ATE1: variants seen among roughly 807,000 people sequenced by gnomAD.
ATE1 encodes the protein arginyl-tRNA--protein transferase 1.
A neutral mutation model predicts 70.5 loss-of-function variants in ATE1; 36 were observed. That is an observed-to-expected ratio of 0.51 (90% CI 0.39 to 0.67). ATE1 has a LOEUF of 0.67. Ranked by LOEUF, ATE1 falls within the 30% of genes least tolerant of loss-of-function variation. ATE1 has a pLI of 0.00. For synonymous variants in ATE1, 232 were observed against 219.3 expected, an observed-to-expected ratio of 1.06 and a Z score of -0.51; for missense variants, 593 against 629.5, an observed-to-expected ratio of 0.94 and a Z score of 0.62.
chr10:121,817,407 C>T (rs1298664639), intron 10 of ATE1, among the ~76,000 whole-genome samples: 4 of 152,058 alleles, frequency 2.6e-5, no homozygotes, highest in Non-Finnish European at 4.4e-5. Flanking sequence ...GGCGCAGTGG[C>T]GGGCGCCTGT....
At chr10:121,806,090 G>A (rs1323998569) in intron 10 of ATE1, among the ~76,000 whole-genome samples, 1 of 152,130 alleles carries the variant, frequency 6.6e-6, no homozygotes, top group Non-Finnish European at 1.5e-5. Flanking sequence ...CAAATTACAG[G>A]AGACTAAACT....
At chr10:121,819,227 T>C (rs572022299) in intron 10 of ATE1, among the ~76,000 whole-genome samples, 54 of 152,350 alleles carry the variant, frequency 3.5e-4, no homozygotes, top group Non-Finnish European at 7.3e-4. Context: ...TCTCTTGGAA[T>C]GGAATGTACT....
chr10:121,874,618 C>T (rs997145713), intron 7 of ATE1, among the ~76,000 whole-genome samples: 12 of 152,188 alleles, frequency 7.9e-5, no homozygotes, highest in Non-Finnish European at 1.6e-4. Flanking sequence ...TATTCTCTAT[C>T]CCAATTGCAA....
chr10:121,808,571 C>T (rs182820821), intron 10 of ATE1, among the ~76,000 whole-genome samples: 2 of 152,274 alleles, frequency 1.3e-5, no homozygotes, highest in East Asian at 1.9e-4. Flanking sequence ...GTAAACTATC[C>T]GGCAATATCC....
chr10:121,817,695 T>A (rs1309870925), intron 10 of ATE1, among the ~76,000 whole-genome samples: 1 of 151,624 alleles, frequency 6.6e-6, no homozygotes, highest in Non-Finnish European at 1.5e-5. Context: ...TCAAGGAGAG[T>A]CAGGCAACCT....
At chr10:121,743,983 CGCTGTCT>C in intron 11 of ATE1, 125 bp from the exon 12 acceptor site, 1 of 1,035,642 alleles carries the variant, frequency 9.7e-7, no homozygotes, top group Non-Finnish European at 1.3e-6. Context: ...AGTGCAGTGG[CGCTGTCT>C]CACCTCACTG....
intron 3 of ATE1, among the ~76,000 whole-genome samples, chr10:121,917,454 T>C (rs1292025822): frequency 6.6e-6 from 1 of 152,114 alleles, no homozygotes; most frequent in African/African-American, 2.4e-5. Context: ...CATGGTTCAG[T>C]TGTGAAGCAT....
intron 11 of ATE1, among the ~76,000 whole-genome samples, chr10:121,767,567 A>C (rs975962446): frequency 2.0e-5 from 3 of 152,236 alleles, no homozygotes; most frequent in Non-Finnish European, 4.4e-5. Flanking sequence ...AACTAGCTGC[A>C]TTGCAATCAC....
chr10:121,917,885 T>G lies in ATE1; in HGVS notation c.234-3992A>C, dbSNP rs551024460. ...AAATCATAGCCAGAAAAGTTCATCC[T>G]CATTTATACACACATACTGGAGAGT... On this transcript the variant is annotated intron_variant, in intron 3 of 11. Coordinates refer to ENST00000224652, the MANE Select transcript of ATE1 (RefSeq NM_001001976.3). Among the ~76,000 whole-genome samples the G allele has an allele frequency of 2.6e-5, 4 of 152,316 alleles. No individual in the cohort carries two copies. In the South Asian group the frequency reaches 8.3e-4, roughly 32 times the overall value.
At chr10:121,805,900 G>A (rs527625906) in intron 10 of ATE1, among the ~76,000 whole-genome samples, 1 of 152,104 alleles carries the variant, frequency 6.6e-6, no homozygotes, top group Admixed American at 6.6e-5. Context: ...CTTTACAGTG[G>A]AGAGTCTGGT....
chr10:121,847,664 AG>A (rs1422583054), intron 8 of ATE1, among the ~76,000 whole-genome samples: 1 of 142,650 alleles, frequency 7.0e-6, no homozygotes, highest in African/African-American at 2.6e-5. Flanking sequence ...AGGCTGAGGG[AG>A]GACAGTTGCT....
In ATE1 at chr10:121,790,166, T is replaced by TA. The variant is rs1358593204; in HGVS notation, c.1378+2dup. On this transcript the variant is annotated splice_region_variant and intron_variant, in intron 11 of 11. Coordinates refer to ENST00000224652, the MANE Select transcript of ATE1 (RefSeq NM_001001976.3). ...TTCCAGCTGAGCTCAGCTCCAAACA[T>TA]ACCTGCTTCTGGGTCCTGGTTGAAA... 6.2e-7 allele frequency: 1 copy of TA among 1,613,668 alleles called. No homozygotes were observed. The highest frequency in any genetic ancestry group is 2.2e-5 in the East Asian group (1 of 44,874).
chr10:121,848,535 T>C (rs1435257278), intron 8 of ATE1, among the ~76,000 whole-genome samples: 2 of 151,426 alleles, frequency 1.3e-5, no homozygotes, highest in Non-Finnish European at 2.9e-5. Context: ...GGAAAATCGC[T>C]TGAACCCGGA....
intron 8 of ATE1, among the ~76,000 whole-genome samples, chr10:121,845,268 T>G (rs1948773646): frequency 6.6e-6 from 1 of 152,160 alleles, no homozygotes; most frequent in Admixed American, 6.5e-5. Flanking sequence ...TGTGGGCTAT[T>G]AGGGGAATGA....
At chr10:121,881,362 C>T (rs1474378355) in intron 7 of ATE1, among the ~76,000 whole-genome samples, 1 of 151,892 alleles carries the variant, frequency 6.6e-6, no homozygotes, top group East Asian at 1.9e-4. Flanking sequence ...ATTACAGTAC[C>T]CCAATATAGC....
In ATE1 at chr10:121,864,289, G is replaced by A. The variant is rs551432025; in HGVS notation, c.975+5717C>T. 2.0e-5 allele frequency among the ~76,000 whole-genome samples: 3 copies of A among 152,322 alleles called. No individual in the cohort carries two copies. In the East Asian group the frequency reaches 5.8e-4, roughly 29 times the overall value. ...TTCCAAGTCAGATCATCAGGCATTAGATTCTCATAAGCAGCTCACAACCCA... is the reference window on the plus strand; with the variant it reads ...TTCCAAGTCAGATCATCAGGCATTAAATTCTCATAAGCAGCTCACAACCCA... On this transcript the variant is annotated intron_variant, in intron 8 of 11. Coordinates refer to ENST00000224652, the MANE Select transcript of ATE1 (RefSeq NM_001001976.3).
At chr10:121,816,804 A>C (rs1947561254) in intron 10 of ATE1, among the ~76,000 whole-genome samples, 1 of 152,262 alleles carries the variant, frequency 6.6e-6, no homozygotes, top group Non-Finnish European at 1.5e-5. Context: ...GTCTATAGCC[A>C]TATGACCCTG....
At chr10:121,862,166 C>T (rs935123760) in intron 8 of ATE1, among the ~76,000 whole-genome samples, 7 of 152,136 alleles carry the variant, frequency 4.6e-5, no homozygotes, top group Admixed American at 4.6e-4. Context: ...GTGTTCTCTT[C>T]GTTCAGTAAA....
At chr10:121,919,603 T>C (rs1439261199) in intron 3 of ATE1, among the ~76,000 whole-genome samples, 1 of 151,482 alleles carries the variant, frequency 6.6e-6, no homozygotes, top group Non-Finnish European at 1.5e-5. Flanking sequence ...TTTGGGAGTC[T>C]GCGATCATTC....
Sources: allele counts gnomAD v4.1 joint callset (sites outside exome capture counted in the v4.1 genomes callset), GRCh38; gene constraint gnomAD v4.1.1; transcripts MANE v1.5; gene names NCBI Gene and HGNC (gene_info 2026-07-23, HGNC 2026-07-21).